STK39: variants seen among roughly 807,000 people sequenced by gnomAD.
STK39 encodes serine/threonine kinase 39.
Under a neutral mutation model 77.8 loss-of-function variants are expected in STK39, and 20 were observed. That is an observed-to-expected ratio of 0.26 (90% CI 0.18 to 0.37). The LOEUF (loss-of-function observed/expected upper bound fraction) is 0.37, where lower values mean the gene tolerates loss of function less well. Among genes scored for constraint, STK39 ranks in the 10% least tolerant of loss-of-function variants. The pLI, the probability that STK39 is intolerant of heterozygous loss-of-function variation, is 1.00. For synonymous variants in STK39, 246 were observed against 234.1 expected (o/e 1.05, Z -0.47); for missense variants, 479 against 656.5 (o/e 0.73, Z 2.95).
intron 3 of STK39, among the ~76,000 whole-genome samples, chr2:168,165,971 C>T (rs941647544): frequency 5.3e-5 from 8 of 152,138 alleles, no homozygotes; most frequent in African/African-American, 1.9e-4. Context: ...AGAGAACACA[C>T]CAGAGATGTG....
chr2:168,000,607 ATG>A (rs1270413262), intron 16 of STK39, among the ~76,000 whole-genome samples: 1 of 152,232 alleles, frequency 6.6e-6, no homozygotes, highest in Non-Finnish European at 1.5e-5. Context: ...TTAGAAGGAT[ATG>A]TGAGGAATTG....
At chr2:168,113,516 G>A (rs1687174446) in intron 10 of STK39, among the ~76,000 whole-genome samples, 1 of 152,222 alleles carries the variant, frequency 6.6e-6, no homozygotes, top group Admixed American at 6.5e-5. Context: ...TGACAGTGAG[G>A]TGGGCCAGTG....
chr2:168,125,382 A>G (rs984632954), intron 10 of STK39, among the ~76,000 whole-genome samples: 3 of 152,220 alleles, frequency 2.0e-5, no homozygotes, highest in Non-Finnish European at 4.4e-5. Flanking sequence ...GGTCCCTCAG[A>G]AAGTCACAGG....
chr2:168,003,206 G>A (rs1402489582), intron 16 of STK39, among the ~76,000 whole-genome samples: 8 of 152,138 alleles, frequency 5.3e-5, no homozygotes, highest in African/African-American at 1.7e-4. Context: ...TTGAACTCCT[G>A]ACCTCATGAT....
intron 1 of STK39, among the ~76,000 whole-genome samples, chr2:168,194,995 G>A (rs974233125): frequency 6.6e-6 from 1 of 152,172 alleles, no homozygotes; most frequent in African/African-American, 2.4e-5. Context: ...GTTTCAATAT[G>A]ACTTACAGTC....
At chr2:168,217,430 T>C (rs975893636) in intron 1 of STK39, among the ~76,000 whole-genome samples, 14 of 152,326 alleles carry the variant, frequency 9.2e-5, no homozygotes, top group African/African-American at 2.9e-4. Flanking sequence ...CACAGAAATA[T>C]AGATCTGGAA....
At chr2:168,017,155 A>T in intron 14 of STK39, 60 bp from the exon 15 acceptor site, 2 of 1,186,532 alleles carry the variant, frequency 1.7e-6, no homozygotes, top group Non-Finnish European at 2.4e-6. Flanking sequence ...GTCGAACTAC[A>T]TGTATTCAGA....
At chr2:168,168,164 G>C (rs2105599057) in intron 2 of STK39, among the ~76,000 whole-genome samples, 1 of 152,100 alleles carries the variant, frequency 6.6e-6, no homozygotes, top group East Asian at 1.9e-4. Context: ...GTCACATCTT[G>C]GAAACACTGC....
At chr2:168,010,175 G>T (rs1312138626) in intron 16 of STK39, among the ~76,000 whole-genome samples, 2 of 152,190 alleles carry the variant, frequency 1.3e-5, no homozygotes, top group Non-Finnish European at 2.9e-5. Flanking sequence ...GTGTTTCAAA[G>T]AAGTTTTTGA....
At chr2:168,175,350 G>T (rs1339199245) in intron 2 of STK39, among the ~76,000 whole-genome samples, 1 of 151,894 alleles carries the variant, frequency 6.6e-6, no homozygotes, top group African/African-American at 2.4e-5. Context: ...GTATGTGCTG[G>T]GTCCCTGTTA....
intron 7 of STK39, 128 bp downstream of exon 7, chr2:168,140,161 A>T: frequency 1.3e-6 from 1 of 772,412 alleles, no homozygotes; most frequent in Non-Finnish European, 2.2e-6. Context: ...ACAATGTTCA[A>T]CTTGGCTGCG....
At chr2:168,247,036 T>A (rs1227651193) in intron 1 of STK39, among the ~76,000 whole-genome samples, 192 bp downstream of exon 1, 2 of 83,874 alleles carry the variant, frequency 2.4e-5, no homozygotes, top group Admixed American at 1.4e-4. Context: ...CCAACGCTCA[T>A]AGAACGAACA....
In STK39 at chr2:168,065,401, T is replaced by A; in HGVS notation, c.1243-20A>T. 1 of 1,613,798 alleles carries A rather than the reference T, an allele frequency of 6.2e-7. No homozygotes were observed. Among genetic ancestry groups the A allele is most frequent in the South Asian group, 1.1e-5 (1 of 91,070 alleles). On this transcript the variant is annotated intron_variant, in intron 12 of 17. Coordinates refer to ENST00000355999, the MANE Select transcript of STK39 (RefSeq NM_013233.3). ...TGCAATCTGTTACGAGAGCCACCGT[T>A]ACAGCATTCAAGAAAGCCAAAGGGA...
chr2:168,072,115 G>A (rs868505425), intron 12 of STK39, among the ~76,000 whole-genome samples: 3 of 152,126 alleles, frequency 2.0e-5, no homozygotes, highest in African/African-American at 7.2e-5. Context: ...TCCTAAGGTG[G>A]AAAGATTGCA....
chr2:168,171,860 C>G (rs1323524574), intron 2 of STK39, among the ~76,000 whole-genome samples: 1 of 101,620 alleles, frequency 9.8e-6, no homozygotes, highest in African/African-American at 5.1e-5. Flanking sequence ...CCCACTCCCC[C>G]CTCCCCCCCA....
chr2:168,048,835 C>CCTAGCT (rs1685319625), intron 14 of STK39, among the ~76,000 whole-genome samples: 1 of 152,216 alleles, frequency 6.6e-6, no homozygotes, highest in South Asian at 2.1e-4. Flanking sequence ...ATCTCATTCC[C>CCTAGCT]CTAGCTCTGC....
chr2:168,034,129 A>G (rs1488080752), intron 14 of STK39, among the ~76,000 whole-genome samples: 1 of 152,198 alleles, frequency 6.6e-6, no homozygotes, highest in East Asian at 1.9e-4. Flanking sequence ...CCCAACATAC[A>G]TAACAAGATT....
chr2:168,085,035 A>G (rs1056511666), intron 10 of STK39, among the ~76,000 whole-genome samples: 5 of 152,250 alleles, frequency 3.3e-5, no homozygotes, highest in African/African-American at 1.2e-4. Flanking sequence ...TCTTGTGGTC[A>G]TGGATCTTCA....
chr2:168,103,570 G>A (rs1172339773), intron 10 of STK39, among the ~76,000 whole-genome samples: 1 of 152,148 alleles, frequency 6.6e-6, no homozygotes, highest in African/African-American at 2.4e-5. Flanking sequence ...GATAGTTAGG[G>A]CCCAGCAGGA....
Sources: allele counts gnomAD v4.1 joint callset (sites outside exome capture counted in the v4.1 genomes callset), GRCh38; gene constraint gnomAD v4.1.1; transcripts MANE v1.5; gene names NCBI Gene and HGNC (gene_info 2026-07-23, HGNC 2026-07-21).